The following GPHN variants were observed in gnomAD, a reference collection of about 807,000 sequenced individuals.
GPHN encodes the protein gephyrin.
Under a neutral mutation model 95.5 loss-of-function variants are expected in GPHN, and 17 were observed. That is an observed-to-expected ratio of 0.18 (90% CI 0.12 to 0.27). GPHN has a LOEUF of 0.27. Among genes scored for constraint, GPHN ranks in the 10% least tolerant of loss-of-function variants. GPHN has a pLI of 1.00. For missense variants in GPHN, 660 were observed against 978.1 expected (o/e 0.67, Z 4.34); for synonymous variants, 320 against 322.5 (o/e 0.99, Z 0.08).
intron 1 of GPHN, among the ~76,000 whole-genome samples, chr14:66,619,247 A>T (rs1001993165): frequency 6.6e-6 from 1 of 152,160 alleles, no homozygotes; most frequent in Admixed American, 6.5e-5. Context: ...AATACCTGTG[A>T]ATGAAATGGC....
At chr14:67,256,402 T>C in the GPHN span, among the ~76,000 whole-genome samples, 2 of 152,184 alleles carry the variant, frequency 1.3e-5, no homozygotes, top group African/African-American at 2.4e-5. Flanking sequence ...CTGGGTATTA[T>C]ATATTTTAAA....
At chr14:67,575,984 C>G in the GPHN span, 9 of 1,612,686 alleles carry the variant, frequency 5.6e-6, no homozygotes, top group Non-Finnish European at 7.6e-6. Flanking sequence ...CCTACCTCCT[C>G]ATTGGCACCA....
intron 2 of GPHN, among the ~76,000 whole-genome samples, chr14:66,696,406 T>C (rs1368170080): frequency 6.6e-6 from 1 of 152,244 alleles, no homozygotes; most frequent in Non-Finnish European, 1.5e-5. Context: ...TCATGCTAAG[T>C]ACAACTGAAA....
intron 2 of GPHN, among the ~76,000 whole-genome samples, chr14:66,772,030 T>A (rs558802510): frequency 6.6e-6 from 1 of 152,134 alleles, no homozygotes; most frequent in Non-Finnish European, 1.5e-5. Context: ...AATTGACTAT[T>A]TGATATTTTG....
the GPHN span, among the ~76,000 whole-genome samples, chr14:67,193,026 ATCTC>A: frequency 1.4e-5 from 2 of 145,854 alleles, no homozygotes; most frequent in Admixed American, 6.9e-5. Flanking sequence ...ATATAGATAT[ATCTC>A]TATCAATATC....
chr14:67,583,658 G>C, the GPHN span: 1 of 1,006,408 alleles, frequency 9.9e-7, no homozygotes, highest in Non-Finnish European at 1.5e-6. Context: ...ATAAAGAAAT[G>C]GTTTATTTCA....
intron 17 of GPHN, among the ~76,000 whole-genome samples, chr14:67,127,972 C>G (rs566350108): frequency 6.6e-6 from 1 of 152,268 alleles, no homozygotes; most frequent in South Asian, 2.1e-4. Context: ...GCCTCTTTAC[C>G]ACAATTTTAT....
chr14:67,461,621 T>A, the GPHN span, among the ~76,000 whole-genome samples: 1 of 151,674 alleles, frequency 6.6e-6, no homozygotes, highest in African/African-American at 2.4e-5. Flanking sequence ...GGATTGGGTG[T>A]CACATGCCCT....
chr14:66,768,651 GGACA>G (rs1185059475), intron 2 of GPHN, among the ~76,000 whole-genome samples: 10 of 151,824 alleles, frequency 6.6e-5, no homozygotes, highest in Admixed American at 1.3e-4. Flanking sequence ...AGAATTAAAG[GGACA>G]GACAGACAAT....
the GPHN span, among the ~76,000 whole-genome samples, chr14:67,732,490 GAGAA>G: frequency 7.4e-6 from 1 of 134,474 alleles, no homozygotes; most frequent in African/African-American, 2.7e-5. Flanking sequence ...TTATGTAAGA[GAGAA>G]AGAGAGAGAG....
At chr14:66,807,725 T>C (rs998476851) in intron 3 of GPHN, among the ~76,000 whole-genome samples, 5 of 152,248 alleles carry the variant, frequency 3.3e-5, no homozygotes, top group African/African-American at 1.2e-4. Context: ...AGAAGCATTT[T>C]GGTGTCTTAT....
chr14:66,580,519 TATC>T, intron 1 of GPHN, among the ~76,000 whole-genome samples: 1 of 151,878 alleles, frequency 6.6e-6, no homozygotes, highest in East Asian at 1.9e-4. Context: ...TTACATCTTA[TATC>T]ACTGGAATAT....
chr14:66,977,605 T>C (rs2070344291), intron 9 of GPHN, among the ~76,000 whole-genome samples: 1 of 152,122 alleles, frequency 6.6e-6, no homozygotes, highest in Non-Finnish European at 1.5e-5. Context: ...GTATTAATAG[T>C]ACACACATAT....
chr14:67,626,179 A>G, the GPHN span, among the ~76,000 whole-genome samples: 2 of 151,892 alleles, frequency 1.3e-5, no homozygotes. Flanking sequence ...ACTTGAACCT[A>G]GGAGGTGGAG....
intron 2 of GPHN, among the ~76,000 whole-genome samples, chr14:66,712,696 T>C (rs2069771695): frequency 1.3e-5 from 2 of 152,242 alleles, no homozygotes; most frequent in Admixed American, 6.5e-5. Context: ...GTAGTTCTAC[T>C]TTTAGTTCTT....
rs551242378 is a variant in GPHN at position 66,820,394 on chromosome 14, G to A, written c.202-4080G>A. Among the ~76,000 whole-genome samples, 7 of 152,210 alleles carry A rather than the reference G, an allele frequency of 4.6e-5. No homozygotes were observed. The South Asian group carries it at 1.5e-3, about 32-fold the overall frequency. The stretch of plus-strand genomic sequence containing the variant: ...CATATAGTCTTTGTTGGAATACTCT[G>A]CTCTTCTGAAATTTTATTAATGTCC... On this transcript the variant is annotated intron_variant, in intron 3 of 22. Transcript: ENST00000478722.
chr14:67,101,329 T>G (rs1435581243), intron 13 of GPHN, among the ~76,000 whole-genome samples: 1 of 152,144 alleles, frequency 6.6e-6, no homozygotes, highest in African/African-American at 2.4e-5. Context: ...TTTTCTCACT[T>G]GGGATCTAGC....
At chr14:66,605,865 G>T (rs1342467916) in intron 1 of GPHN, among the ~76,000 whole-genome samples, 1 of 151,838 alleles carries the variant, frequency 6.6e-6, no homozygotes, top group East Asian at 1.9e-4. Context: ...TTTTTTGCTT[G>T]TTGATTTAAG....
intron 8 of GPHN, among the ~76,000 whole-genome samples, chr14:66,949,705 G>C (rs1226955406): frequency 6.6e-6 from 1 of 152,182 alleles, no homozygotes; most frequent in East Asian, 1.9e-4. Flanking sequence ...AATTTCTATT[G>C]TACAGCCTTG....
Sources: gnomAD v4.1 joint callset for allele counts (sites outside exome capture counted in the v4.1 genomes callset) on GRCh38, gnomAD v4.1.1 for gene constraint, MANE v1.5 for transcripts, NCBI Gene and HGNC (gene_info 2026-07-23, HGNC 2026-07-21) for gene names.